Variants in ATP8A2 observed in about 807,000 individuals in gnomAD.
The protein encoded by ATP8A2 is phospholipid-transporting ATPase IB.
Under a neutral mutation model 165.6 loss-of-function variants are expected in ATP8A2, and 100 were observed. The observed-to-expected ratio is 0.60, with a 90% CI of 0.51 to 0.71. The LOEUF is 0.71. Among genes scored for constraint, ATP8A2 ranks in the 30% least tolerant of loss-of-function variants. The pLI is 0.00. For synonymous variants in ATP8A2, 543 were observed against 548.8 expected, an observed-to-expected ratio of 0.99 and a Z score of 0.15; for missense variants, 1,227 against 1,479.5, an observed-to-expected ratio of 0.83 and a Z score of 2.80.
intron 1 of ATP8A2, among the ~76,000 whole-genome samples, chr13:25,415,576 G>A (rs1414038828): frequency 6.6e-6 from 1 of 152,178 alleles, no homozygotes; most frequent in Non-Finnish European, 1.5e-5. Context: ...GAGCTCAACA[G>A]GGTAAATGCT....
At chr13:25,488,053 T>C (rs2137621534) in intron 2 of ATP8A2, among the ~76,000 whole-genome samples, 1 of 152,306 alleles carries the variant, frequency 6.6e-6, no homozygotes, top group Non-Finnish European at 1.5e-5. Flanking sequence ...AAATGAGATT[T>C]CAGATGCAAA....
rs2044380346 is a variant in ATP8A2, at chr13:25,761,638, AAT to A, written c.2385-7401_2385-7400del. On this transcript the variant is annotated intron_variant, in intron 25 of 36. Coordinates refer to ENST00000381655, the MANE Select transcript of ATP8A2 (RefSeq NM_016529.6). The stretch of plus-strand genomic sequence containing the variant: ...AAAAAAGTATATGTATATAAAATAT[AAT>A]ATATATTAGCACAGTATATATATAT... Among the ~76,000 whole-genome samples, 3 of 127,364 alleles carry A rather than the reference AAT, an allele frequency of 2.4e-5. No homozygotes were observed. The South Asian group carries it at 7.6e-4, about 32-fold the overall frequency. The allele number at this position is 127,364 out of a possible 152,430, so 83.6% of individuals were successfully genotyped here. A position where few individuals can be genotyped will look rare whatever the true frequency, so the allele number is the denominator to read the frequency against.
intron 25 of ATP8A2, among the ~76,000 whole-genome samples, chr13:25,766,040 C>G (rs560934695): frequency 6.6e-5 from 10 of 152,156 alleles, no homozygotes; most frequent in Non-Finnish European, 1.5e-5. Context: ...AAGGAGGAGT[C>G]GCAGCCTCAG....
chr13:25,865,749 A>G (rs2138781503), intron 33 of ATP8A2, among the ~76,000 whole-genome samples: 1 of 152,350 alleles, frequency 6.6e-6, no homozygotes, highest in South Asian at 2.1e-4. Flanking sequence ...CAAAGAAGTC[A>G]TCTGCATCCT....
intron 30 of ATP8A2, among the ~76,000 whole-genome samples, chr13:25,842,666 T>A: frequency 9.5e-6 from 1 of 104,964 alleles, no homozygotes. Context: ...AGCAAAACTC[T>A]GTCAAAAAAA....
At chr13:25,975,561 G>T (rs1021603915) in intron 35 of ATP8A2, among the ~76,000 whole-genome samples, 8 of 151,514 alleles carry the variant, frequency 5.3e-5, no homozygotes, top group Non-Finnish European at 8.8e-5. Flanking sequence ...CAGCCTGGGG[G>T]ACAGAGTGAG....
In ATP8A2 at chr13:25,684,464, C is replaced by T. The variant is rs921284131; in HGVS notation, c.2212-14709C>T. On this transcript the variant is annotated intron_variant, in intron 24 of 36. Transcript: ENST00000381655. ...GATTGATTCTGCCGTGTGCTCTGCTCGGCCTCCATGGAAAGACCATATCGA... is the reference window on the plus strand; with the variant it reads ...GATTGATTCTGCCGTGTGCTCTGCTTGGCCTCCATGGAAAGACCATATCGA... Among the ~76,000 whole-genome samples, 11 of 152,246 alleles carry T rather than the reference C, an allele frequency of 7.2e-5. No individual in the cohort carries two copies. In the East Asian group the frequency reaches 1.4e-3, roughly 19 times the overall value.
intron 1 of ATP8A2, among the ~76,000 whole-genome samples, chr13:25,423,619 C>T (rs1481900409): frequency 1.3e-5 from 2 of 152,262 alleles, no homozygotes; most frequent in East Asian, 3.9e-4. Context: ...TGAATATCAT[C>T]AGTCTTTTTA....
chr13:25,963,905 A>G (rs1955717874), intron 34 of ATP8A2, among the ~76,000 whole-genome samples: 1 of 152,254 alleles, frequency 6.6e-6, no homozygotes, highest in African/African-American at 2.4e-5. Flanking sequence ...CATTTTAACA[A>G]GGATAAATCA....
intron 35 of ATP8A2, among the ~76,000 whole-genome samples, chr13:25,978,904 C>T (rs1053845290): frequency 6.6e-6 from 1 of 152,004 alleles, no homozygotes; most frequent in Non-Finnish European, 1.5e-5. Context: ...CGCGCCACTG[C>T]ACTCCAGCCT....
chr13:25,859,163 C>T (rs1952263159), intron 30 of ATP8A2, among the ~76,000 whole-genome samples: 1 of 152,082 alleles, frequency 6.6e-6, no homozygotes, highest in African/African-American at 2.4e-5. Flanking sequence ...GATTGTACCA[C>T]TGCATTCCAG....
chr13:25,571,875 T>C, intron 18 of ATP8A2, 183 bp downstream of exon 18: 1 of 653,218 alleles, frequency 1.5e-6, no homozygotes, highest in Non-Finnish European at 2.8e-6. Context: ...ATTGCAGTAT[T>C]GTTTTCCCCT....
chr13:26,005,067 T>G (rs543547487), intron 35 of ATP8A2, among the ~76,000 whole-genome samples: 8 of 152,078 alleles, frequency 5.3e-5, no homozygotes, highest in Non-Finnish European at 1.2e-4. Context: ...TATTAGTTCT[T>G]TAAGTGTTTG....
chr13:25,610,186 GC>G (rs1225289996), intron 24 of ATP8A2, among the ~76,000 whole-genome samples: 2 of 152,030 alleles, frequency 1.3e-5, no homozygotes, highest in African/African-American at 4.8e-5. Flanking sequence ...CAAAGTCTTT[GC>G]CTAAGGCAAT....
At chr13:25,864,084 G>A (rs748800939) in intron 33 of ATP8A2, among the ~76,000 whole-genome samples, 1 of 152,168 alleles carries the variant, frequency 6.6e-6, no homozygotes, top group Non-Finnish European at 1.5e-5. Context: ...CATTGGTAAG[G>A]CATTGGTGCT....
At chr13:25,757,746 T>A (rs1463738195) in intron 25 of ATP8A2, among the ~76,000 whole-genome samples, 1 of 152,142 alleles carries the variant, frequency 6.6e-6, no homozygotes, top group Non-Finnish European at 1.5e-5. Flanking sequence ...GTTATATGTG[T>A]TCCTGACCCC....
At chr13:25,779,140 T>C (rs1488573698) in intron 27 of ATP8A2, among the ~76,000 whole-genome samples, 1 of 150,408 alleles carries the variant, frequency 6.6e-6, no homozygotes, top group African/African-American at 2.4e-5. Context: ...AAGAGAAAAA[T>C]GTCACAAACA....
chr13:25,503,285 A>G (rs1320151089), intron 2 of ATP8A2, among the ~76,000 whole-genome samples: 1 of 152,190 alleles, frequency 6.6e-6, no homozygotes, highest in Non-Finnish European at 1.5e-5. Context: ...CTGGTTGAGA[A>G]GAAATCAATG....
intron 2 of ATP8A2, among the ~76,000 whole-genome samples, chr13:25,503,673 T>C (rs1157472802): frequency 6.6e-6 from 1 of 152,186 alleles, no homozygotes; most frequent in Non-Finnish European, 1.5e-5. Context: ...CAGAGTTTGA[T>C]TAGGTGCCAT....
Sources: gnomAD v4.1 joint callset for allele counts (sites outside exome capture counted in the v4.1 genomes callset) on GRCh38, gnomAD v4.1.1 for gene constraint, MANE v1.5 for transcripts, NCBI Gene and HGNC (gene_info 2026-07-23, HGNC 2026-07-21) for gene names.